ZNF831: variants seen among roughly 807,000 people sequenced by gnomAD.
The protein encoded by ZNF831 is zinc finger protein 831, also known as chromosome 20 open reading frame 174.
In ZNF831, 59 loss-of-function variants were observed where a neutral mutation model predicts 95.8. That is an observed-to-expected ratio of 0.62 (90% CI 0.50 to 0.77). The LOEUF is 0.77. Ranked by LOEUF, ZNF831 falls within the 30% of genes least tolerant of loss-of-function variation. The pLI is 0.00. For synonymous variants in ZNF831, 961 were observed against 925.5 expected (o/e 1.04, Z -0.70); for missense variants, 2,205 against 2,164.0 (o/e 1.02, Z -0.38).
intron 4 of ZNF831, among the ~76,000 whole-genome samples, chr20:59,235,004 C>T (rs1430920566): frequency 6.6e-6 from 1 of 152,088 alleles, no homozygotes; most frequent in African/African-American, 2.4e-5. Context: ...ATTCAGGGTC[C>T]CGCATGACAT....
Position 59,195,875 on chromosome 20 carries a change from T to C in ZNF831, c.3745T>C (p.Tyr1249His). ...GGPAQMSKFS[Y>H]PTVPGVMPQH... ...ACATGCTTGGTGTTTTCAGTTCTCC[T>C]ACCCAACAGTCCCAGGGGTGATGCC... Residue 1249 changes from tyrosine (Y) to histidine (H), a missense_variant, in exon 3 of 6, where the codon TAC (tyrosine) becomes CAC (histidine). Tyr to His is a moderately conservative substitution (Grantham distance 83). Transcript: ENST00000371030. 1 of 1,612,928 alleles carries C rather than the reference T, an allele frequency of 6.2e-7. No individual in the cohort carries two copies. Among genetic ancestry groups the C allele is most frequent in the Middle Eastern group, 1.7e-4 (1 of 6,050 alleles).
intron 4 of ZNF831, among the ~76,000 whole-genome samples, chr20:59,224,533 A>C (rs1471546973): frequency 6.6e-6 from 1 of 152,204 alleles, no homozygotes; most frequent in East Asian, 1.9e-4. Context: ...CACTTCATCC[A>C]GCCCTGCTAG....
chr20:59,249,150 C>T (rs1987760730), intron 4 of ZNF831, among the ~76,000 whole-genome samples: 1 of 152,200 alleles, frequency 6.6e-6, no homozygotes, highest in East Asian at 1.9e-4. Context: ...TGGACTTGTT[C>T]TTTCTCACTC....
rs368900615 is a variant in ZNF831, at chr20:59,203,461, C to T, written c.3876-3444C>T. Among the ~76,000 whole-genome samples, 6 of 152,276 alleles carry T rather than the reference C, an allele frequency of 3.9e-5. No homozygotes were observed. In the East Asian group the frequency reaches 1.2e-3, roughly 29 times the overall value. ...CTTCTGGAGTAGCTGGGAGTACAGGCATGCACCACCATGCCTGGCTTGGTT... is the reference window on the plus strand; with the variant it reads ...CTTCTGGAGTAGCTGGGAGTACAGGTATGCACCACCATGCCTGGCTTGGTT... On this transcript the variant is annotated intron_variant, in intron 3 of 5. Coordinates refer to ENST00000371030, the MANE Select transcript of ZNF831 (RefSeq NM_178457.3).
intron 4 of ZNF831, among the ~76,000 whole-genome samples, chr20:59,233,061 G>GAC (rs757637476): frequency 6.7e-6 from 1 of 149,770 alleles, no homozygotes. Flanking sequence ...GAGAGAGACA[G>GAC]ACAGAGACAG....
At chr20:59,214,315 G>A (rs1484689457) in intron 4 of ZNF831, among the ~76,000 whole-genome samples, 1 of 152,234 alleles carries the variant, frequency 6.6e-6, no homozygotes, top group Non-Finnish European at 1.5e-5. Flanking sequence ...AAGCAAGATA[G>A]TGGAGTTGTG....
intron 2 of ZNF831, among the ~76,000 whole-genome samples, chr20:59,148,899 G>A (rs1486355883): frequency 6.6e-6 from 1 of 151,968 alleles, no homozygotes; most frequent in Non-Finnish European, 1.5e-5. Context: ...CTTGGACACA[G>A]CTTACCACAT....
intron 1 of ZNF831, among the ~76,000 whole-genome samples, chr20:59,185,665 C>T (rs907831580): frequency 5.9e-5 from 9 of 152,278 alleles, no homozygotes; most frequent in East Asian, 3.9e-4. Flanking sequence ...CCTGCCTGGA[C>T]GCACACTCCG....
chr20:59,210,139 G>A (rs750747545), intron 4 of ZNF831, among the ~76,000 whole-genome samples: 6 of 152,184 alleles, frequency 3.9e-5, no homozygotes, highest in Non-Finnish European at 7.4e-5. Flanking sequence ...CGGACACTCA[G>A]TGCACAATAA....
chr20:59,233,868 A>T (rs1986865033), intron 4 of ZNF831, among the ~76,000 whole-genome samples: 1 of 152,136 alleles, frequency 6.6e-6, no homozygotes, highest in African/African-American at 2.4e-5. Context: ...TGAGGAGTTG[A>T]TCCTAGGGTG....
chr20:59,143,154 C>T (rs1238605126), intron 1 of ZNF831, among the ~76,000 whole-genome samples: 1 of 152,228 alleles, frequency 6.6e-6, no homozygotes, highest in African/African-American at 2.4e-5. Context: ...CCACCTTGGC[C>T]TCCCAAAGTG....
Position 59,192,340 on chromosome 20 carries a change from G to C in ZNF831, c.1321G>C (p.Asp441His), listed in dbSNP as rs1471088747. ...CGGGCTGTCCAAACAGGGCAGCATC[G>C]ACCTGCCCACGCCCTACACCTACAA... Reference protein sequence around the residue: ...KTGLSKQGSIDLPTPYTYKDS... With the variant: ...KTGLSKQGSIHLPTPYTYKDS... Residue 441 changes from aspartate (D) to histidine (H), a missense_variant, in exon 2 of 6, where the codon GAC becomes CAC. By Grantham distance (81) the Asp-to-His change is moderately conservative (BLOSUM62 -1). Transcript: ENST00000371030. The surrounding 1 kb of genome is among the most constrained non-coding windows in gnomAD (Gnocchi z 5.2). 1 of 1,607,310 alleles carries C rather than the reference G, an allele frequency of 6.2e-7. No individual in the cohort carries two copies. The highest frequency in any genetic ancestry group is 1.1e-5 in the South Asian group (1 of 90,172).
chr20:59,146,773 T>A (rs1303305533), intron 2 of ZNF831: 2 of 152,270 alleles, frequency 1.3e-5, no homozygotes, highest in Non-Finnish European at 2.9e-5. Context: ...TTGGGAAGCC[T>A]GTTTCCCTGG....
intron 3 of ZNF831, among the ~76,000 whole-genome samples, chr20:59,202,339 TA>T (rs34375805): frequency 0.013 from 1,751 of 138,240 alleles, 28 homozygotes; most frequent in African/African-American, 0.041. Context: ...TTTTTTTTTT[TA>T]AAAAAAAAAA....
chr20:59,236,689 C>T (rs1987019527), intron 4 of ZNF831, among the ~76,000 whole-genome samples: 1 of 151,582 alleles, frequency 6.6e-6, no homozygotes, highest in Admixed American at 6.6e-5. Flanking sequence ...CCATGCCTGG[C>T]TTAGGGCCAT....
intron 4 of ZNF831, among the ~76,000 whole-genome samples, chr20:59,209,666 T>G (rs1198632111): frequency 6.6e-6 from 1 of 152,228 alleles, no homozygotes; most frequent in Non-Finnish European, 1.5e-5. Flanking sequence ...ACAGTAAAAC[T>G]GGATTCTCTC....
chr20:59,234,281 G>C (rs1986886605), intron 4 of ZNF831, among the ~76,000 whole-genome samples: 1 of 152,208 alleles, frequency 6.6e-6, no homozygotes, highest in Admixed American at 6.5e-5. Context: ...TTCCAAACTA[G>C]AGTTTAGAAC....
At chr20:59,139,437 A>G (rs1029671071) in intron 1 of ZNF831, among the ~76,000 whole-genome samples, 1 of 152,184 alleles carries the variant, frequency 6.6e-6, no homozygotes, top group Non-Finnish European at 1.5e-5. Flanking sequence ...TAAAGTTTTT[A>G]ACATGATTGC....
chr20:59,196,061 T>C, intron 3 of ZNF831, 56 bp downstream of exon 3: 1 of 1,595,222 alleles, frequency 6.3e-7, no homozygotes, highest in Admixed American at 1.7e-5. Flanking sequence ...GAATTTACTA[T>C]GGGATTTGAA....
Sources: gnomAD v4.1 joint callset for allele counts (sites outside exome capture counted in the v4.1 genomes callset) on GRCh38, gnomAD v4.1.1 for gene constraint, Gnocchi (gnomAD v3.1) non-coding constraint, MANE v1.5 for transcripts, NCBI Gene and HGNC (gene_info 2026-07-23, HGNC 2026-07-21) for gene names.